The following UBE4B variants were observed in gnomAD, a reference collection of about 807,000 sequenced individuals.
UBE4B encodes the protein ubiquitin conjugation factor E4 B.
In UBE4B, 27 loss-of-function variants were observed where a neutral mutation model predicts 148.1. The ratio of observed to expected loss-of-function variants is 0.18; its 90% CI spans 0.13 to 0.25. UBE4B has a LOEUF of 0.25. UBE4B is among the 10% of genes least tolerant of loss of function. The pLI, the probability that UBE4B is intolerant of heterozygous loss-of-function variation, is 1.00. For synonymous variants in UBE4B, 596 were observed against 619.3 expected (o/e 0.96, Z 0.56); for missense variants, 1,170 against 1,662.4 (o/e 0.70, Z 5.15).
rs750897247 is a variant in UBE4B, at chr1:10,145,019, C to T, written c.2443C>T (p.Arg815Cys). The T allele has an allele frequency of 1.9e-6, 3 of 1,613,432 alleles. No homozygotes were observed. Among genetic ancestry groups the T allele is most frequent in the Non-Finnish European group, 1.7e-6 (2 of 1,179,636 alleles). The part of the protein sequence containing the change: ...LATRHREMLK[R>C]CKTQLKKLVR... ...AACTAGACACCGCGAAATGCTGAAG[C>T]GCTGTAAAACTCAGCTTAAGGTTTG... is the stretch of plus-strand genomic sequence containing the variant. Residue 815 changes from arginine (R) to cysteine (C), a missense_variant, in exon 18 of 28, where the codon CGC (arginine) becomes TGC (cysteine). This residue lies in a region of UBE4B where 388 missense variants were observed against 536.0 expected (regional missense o/e 0.72). Transcript: ENST00000343090.
At chr1:10,172,752 T>C (rs1215695754) in intron 25 of UBE4B, among the ~76,000 whole-genome samples, 1 of 152,212 alleles carries the variant, frequency 6.6e-6, no homozygotes, top group Admixed American at 6.5e-5. Flanking sequence ...AGGTGCTTTC[T>C]GATGTAGCAG....
Position 10,151,346 on chromosome 1 carries a change from A to T in UBE4B, c.2711A>T (p.Tyr904Phe). The T allele has an allele frequency of 1.2e-6, 2 of 1,613,950 alleles. No individual in the cohort carries two copies. Among genetic ancestry groups the T allele is most frequent in the Non-Finnish European group, 1.7e-6 (2 of 1,179,996 alleles). ...TTCAGATACTCTCCCCAGGCGCTTTATGAGCCCTGTACTCAGGATATTGTG... is the reference window on the plus strand; with the variant it reads ...TTCAGATACTCTCCCCAGGCGCTTTTTGAGCCCTGTACTCAGGATATTGTG... ...FIVQYSPQAL[Y>F]EPCTQDIVMF... Residue 904 changes from tyrosine to phenylalanine, a missense_variant, in exon 21 of 28, where the codon TAT becomes TTT. This residue lies in a region of UBE4B where 348 missense variants were observed against 627.2 expected (regional missense o/e 0.55). Transcript: ENST00000343090.
intron 2 of UBE4B, among the ~76,000 whole-genome samples, chr1:10,083,076 C>T (rs1405560077): frequency 6.6e-6 from 1 of 151,974 alleles, no homozygotes; most frequent in Non-Finnish European, 1.5e-5. Flanking sequence ...TGGGTTGGTT[C>T]CATGTCTTTG....
chr1:10,112,814 G>A (rs1231316019), intron 7 of UBE4B, among the ~76,000 whole-genome samples: 3 of 152,178 alleles, frequency 2.0e-5, no homozygotes, highest in Non-Finnish European at 4.4e-5. Flanking sequence ...CTTAACGCTT[G>A]TATTAGTGAA....
At chr1:10,153,929 A>G (rs538087849) in intron 21 of UBE4B, among the ~76,000 whole-genome samples, 2 of 152,282 alleles carry the variant, frequency 1.3e-5, no homozygotes, top group South Asian at 2.1e-4. Context: ...CTAAAAATAC[A>G]AAATTAGCCT....
chr1:10,161,999 C>CTTTTTTTTTTTTTTTTTTTT lies in UBE4B; in HGVS notation c.3198+729_3198+730insTTTTTTTTTTTTTTTTTTTT, dbSNP rs764089127. 8.7e-5 allele frequency among the ~76,000 whole-genome samples: 12 copies of CTTTTTTTTTTTTTTTTTTTT among 137,248 alleles called. No individual in the cohort carries two copies. Among genetic ancestry groups the CTTTTTTTTTTTTTTTTTTTT allele is most frequent in the African/African-American group, 2.4e-4 (9 of 37,488 alleles). The allele number at this position is 137,248 out of a possible 152,430, so 90.0% of individuals were successfully genotyped here. ...GGGGACTGCTTTTTCTTCACTTTTT[C>CTTTTTTTTTTTTTTTTTTTT]TTTTTTTTTTTTTTTTGAGACGGAG... On this transcript the variant is annotated intron_variant, in intron 23 of 27. Transcript: ENST00000343090. This position sits in a 1 kb window ranked among gnomAD's most constrained non-coding sequence, Gnocchi z 4.1.
intron 22 of UBE4B, among the ~76,000 whole-genome samples, chr1:10,159,771 T>C (rs1646131692): frequency 6.6e-6 from 1 of 152,284 alleles, no homozygotes; most frequent in Non-Finnish European, 1.5e-5. Context: ...AATCTAGCTA[T>C]ACTTGTTAAC....
chr1:10,089,996 C>A (rs1225454633), intron 2 of UBE4B, among the ~76,000 whole-genome samples: 3 of 151,356 alleles, frequency 2.0e-5, no homozygotes, highest in East Asian at 3.9e-4. Context: ...TGCCTGGTTG[C>A]TTTTGTAATT....
rs1275615541 is a variant in UBE4B, at chr1:10,180,913, T to A, written c.*957T>A. The A allele has an allele frequency of 6.6e-6, 1 of 152,480 alleles. No homozygotes were observed. Among genetic ancestry groups the A allele is most frequent in the Admixed American group, 6.6e-5 (1 of 15,266 alleles). 9.4% of individuals were successfully genotyped at this position (152,480 alleles called of 1,614,324 possible). A position where few individuals can be genotyped will look rare whatever the true frequency, so the allele number is the denominator to read the frequency against. Reference sequence around the variant, plus strand: ...GTTTGAGGCAGGGTCATTTGTGTGATGTGTTTGGCCTTACCAAAGCAAAAG... The same window carrying A: ...GTTTGAGGCAGGGTCATTTGTGTGAAGTGTTTGGCCTTACCAAAGCAAAAG... On this transcript the variant is annotated 3_prime_UTR_variant, in exon 28 of 28. Coordinates refer to ENST00000343090, the MANE Select transcript of UBE4B (RefSeq NM_001105562.3).
intron 7 of UBE4B, among the ~76,000 whole-genome samples, chr1:10,109,540 A>C (rs917996318): frequency 4.6e-5 from 7 of 152,206 alleles, no homozygotes; most frequent in Non-Finnish European, 7.3e-5. Context: ...TTGATATAAA[A>C]AAGAATGCCA....
intron 1 of UBE4B, among the ~76,000 whole-genome samples, chr1:10,034,947 T>C (rs946720240): frequency 3.9e-5 from 6 of 152,332 alleles, no homozygotes; most frequent in African/African-American, 1.4e-4. Context: ...ACAGTTTCTT[T>C]CATTCGGTAG....
At chr1:10,097,618 T>A (rs1411346707) in intron 3 of UBE4B, among the ~76,000 whole-genome samples, 2 of 152,172 alleles carry the variant, frequency 1.3e-5, no homozygotes, top group Non-Finnish European at 2.9e-5. Context: ...GAGACCAGCC[T>A]GGCCAACATG....
chr1:10,050,295 C>T (rs1275451106), intron 1 of UBE4B, among the ~76,000 whole-genome samples: 2 of 152,338 alleles, frequency 1.3e-5, no homozygotes, highest in African/African-American at 2.4e-5. Context: ...TGGTCTTGAA[C>T]TCCTGACCTC....
intron 2 of UBE4B, among the ~76,000 whole-genome samples, chr1:10,087,752 A>T (rs1370259977): frequency 6.6e-6 from 1 of 152,190 alleles, no homozygotes; most frequent in East Asian, 1.9e-4. Context: ...TTCTCCACTT[A>T]AACTTAGTAT....
chr1:10,048,590 A>C (rs1187476284), intron 1 of UBE4B, among the ~76,000 whole-genome samples: 1 of 152,226 alleles, frequency 6.6e-6, no homozygotes, highest in Non-Finnish European at 1.5e-5. Context: ...TCTAGAGAGC[A>C]TGGAATCTGG....
intron 1 of UBE4B, among the ~76,000 whole-genome samples, chr1:10,063,446 A>G (rs1042656142): frequency 3.3e-5 from 5 of 152,092 alleles, no homozygotes; most frequent in Admixed American, 1.3e-4. Context: ...TGAAATCTAG[A>G]TTATTCTTCT....
At chr1:10,171,534 C>T (rs1332327794) in intron 25 of UBE4B, among the ~76,000 whole-genome samples, 2 of 152,148 alleles carry the variant, frequency 1.3e-5, no homozygotes, top group African/African-American at 2.4e-5. Context: ...TTGCTTGAGG[C>T]CAGACTGCAG....
At chr1:10,109,796 G>A (rs1160942175) in intron 7 of UBE4B, among the ~76,000 whole-genome samples, 3 of 152,016 alleles carry the variant, frequency 2.0e-5, no homozygotes, top group African/African-American at 4.8e-5. Flanking sequence ...GATTACAGGT[G>A]CATGCCACCA....
chr1:10,142,997 A>G (rs12045943), intron 17 of UBE4B, among the ~76,000 whole-genome samples: 7,932 of 151,884 alleles, frequency 0.052, 576 homozygotes, highest in East Asian at 0.24. Context: ...AGTCGCCACT[A>G]CTCAGGAGGC....
Sources: gnomAD v4.1 joint callset for allele counts (sites outside exome capture counted in the v4.1 genomes callset) on GRCh38, gnomAD v4.1.1 for gene constraint, gnomAD v4.1.1 regional missense constraint, Gnocchi (gnomAD v3.1) non-coding constraint, MANE v1.5 for transcripts, NCBI Gene and HGNC (gene_info 2026-07-23, HGNC 2026-07-21) for gene names.